LOC400499: variants seen among roughly 807,000 people sequenced by gnomAD.
chr16:11,468,841 G>A, the LOC400499 span, among the ~76,000 whole-genome samples: 1 of 152,078 alleles, frequency 6.6e-6, no homozygotes, highest in Non-Finnish European at 1.5e-5. Context: ...TGGCCAGGCT[G>A]GTCTCGAACT....
At chr16:11,398,396 T>G in the LOC400499 span, 8 of 1,232,264 alleles carry the variant, frequency 6.5e-6, no homozygotes, top group South Asian at 4.1e-5. Flanking sequence ...GCAGCCAGCG[T>G]GCATAGTCAG....
the LOC400499 span, among the ~76,000 whole-genome samples, chr16:11,413,334 G>A: frequency 0.15 from 22,761 of 152,166 alleles, 2,209 homozygotes; most frequent in African/African-American, 0.28. Flanking sequence ...CAGGAGGGGT[G>A]ACATCCTGGC....
At chr16:11,451,662 T>G in the LOC400499 span, among the ~76,000 whole-genome samples, 1 of 152,216 alleles carries the variant, frequency 6.6e-6, no homozygotes, top group East Asian at 1.9e-4. Flanking sequence ...AAAAATTGGT[T>G]AGGTCAGCAA....
At chr16:11,453,540 GAAC>G in the LOC400499 span, among the ~76,000 whole-genome samples, 2 of 151,970 alleles carry the variant, frequency 1.3e-5, no homozygotes, top group Non-Finnish European at 2.9e-5. Context: ...TGTAAGAAAG[GAAC>G]AACAACAACA....
chr16:11,394,199 A>G, the LOC400499 span, among the ~76,000 whole-genome samples: 11 of 152,224 alleles, frequency 7.2e-5, no homozygotes, highest in South Asian at 2.1e-4. Flanking sequence ...CACACCTGGC[A>G]TAACACCCCA....
At chr16:11,515,877 CCCAGCCCAGCCCAGCCTAGCCCAGCCCA>C in the LOC400499 span, 4 of 33,034 alleles carry the variant, frequency 1.2e-4, no homozygotes, top group Admixed American at 5.8e-4. Flanking sequence ...CCCAGCCCAG[CCCAGCCCAGCCCAGCCTAGCCCAGCCCA>C]GCCCAGCCTA....
the LOC400499 span, among the ~76,000 whole-genome samples, chr16:11,374,058 G>A: frequency 6.6e-6 from 1 of 152,104 alleles, no homozygotes; most frequent in African/African-American, 2.4e-5. Flanking sequence ...TAAATTAGCT[G>A]ATTTGCTAAA....
chr16:11,379,885 C>G, the LOC400499 span, among the ~76,000 whole-genome samples: 195 of 152,330 alleles, frequency 1.3e-3, 3 homozygotes, highest in African/African-American at 4.4e-3. Context: ...CCATTTTAAA[C>G]TGGTAAGTTC....
the LOC400499 span, among the ~76,000 whole-genome samples, chr16:11,504,752 A>G: frequency 5.9e-5 from 9 of 152,026 alleles, no homozygotes; most frequent in Admixed American, 5.9e-4. Flanking sequence ...GTGAAACCTC[A>G]TCTCTGCCAA....
chr16:11,512,375 G>A, the LOC400499 span, among the ~76,000 whole-genome samples: 3 of 152,214 alleles, frequency 2.0e-5, no homozygotes, highest in African/African-American at 4.8e-5. Flanking sequence ...GAGGCAGGCA[G>A]ATCAGACACC....
chr16:11,462,765 C>T, the LOC400499 span, among the ~76,000 whole-genome samples: 1 of 152,138 alleles, frequency 6.6e-6, no homozygotes, highest in Non-Finnish European at 1.5e-5. Flanking sequence ...AAATTAGAAA[C>T]CTGTGTTACA....
the LOC400499 span, chr16:11,411,458 G>A: frequency 5.0e-6 from 2 of 397,230 alleles, no homozygotes; most frequent in South Asian, 1.4e-4. Flanking sequence ...CAGTGGCCCA[G>A]TTCAGGGCTA....
At chr16:11,458,039 C>A in the LOC400499 span, among the ~76,000 whole-genome samples, 8 of 151,604 alleles carry the variant, frequency 5.3e-5, no homozygotes, top group Admixed American at 1.3e-4. Flanking sequence ...CCTGTCTCTA[C>A]GAAAAATACA....
the LOC400499 span, chr16:11,396,501 G>A: frequency 4.9e-6 from 6 of 1,232,094 alleles, no homozygotes; most frequent in African/African-American, 3.1e-5. Flanking sequence ...GCCCCATCCT[G>A]GCCACTGACC....
the LOC400499 span, among the ~76,000 whole-genome samples, chr16:11,489,899 A>G: frequency 6.6e-6 from 1 of 152,238 alleles, no homozygotes; most frequent in Non-Finnish European, 1.5e-5. Context: ...AGATTAACTC[A>G]AGGGCCAAAG....
the LOC400499 span, among the ~76,000 whole-genome samples, chr16:11,479,387 A>T: frequency 1.3e-5 from 2 of 151,986 alleles, no homozygotes; most frequent in African/African-American, 2.4e-5. Context: ...CCGAGAAAAG[A>T]GGATCGCTTG....
chr16:11,447,857 G>A, the LOC400499 span: 2 of 1,452,774 alleles, frequency 1.4e-6, no homozygotes, highest in Admixed American at 4.8e-5. Flanking sequence ...TGCCCATCCT[G>A]TTCCCCCTGG....
chr16:11,379,423 A>C, the LOC400499 span, among the ~76,000 whole-genome samples: 1 of 152,170 alleles, frequency 6.6e-6, no homozygotes, highest in Non-Finnish European at 1.5e-5. Context: ...CTCTTATAAC[A>C]GCTTTTGACC....
the LOC400499 span, chr16:11,460,044 C>A: frequency 6.9e-7 from 1 of 1,439,160 alleles, no homozygotes; most frequent in Non-Finnish European, 9.1e-7. Context: ...CTCCTCATGC[C>A]AGAGCTGGAC....
Sources: allele counts gnomAD v4.1 joint callset (sites outside exome capture counted in the v4.1 genomes callset), GRCh38; gene constraint gnomAD v4.1.1; transcripts MANE v1.5.